Variants in EIF3H observed in about 807,000 individuals in gnomAD.
EIF3H encodes the protein eIF-3-gamma.
In EIF3H, 26 loss-of-function variants were observed where a neutral mutation model predicts 44.2. The observed-to-expected ratio is 0.59, with a 90% CI of 0.43 to 0.82. The LOEUF (loss-of-function observed/expected upper bound fraction) is 0.82, where lower values mean the gene tolerates loss of function less well. Among genes scored for constraint, EIF3H ranks in the 40% least tolerant of loss-of-function variants. The pLI, the probability that EIF3H is intolerant of heterozygous loss-of-function variation, is 0.00. For synonymous variants in EIF3H, 166 were observed against 151.9 expected (o/e 1.09, Z -0.68); for missense variants, 359 against 432.8 (o/e 0.83, Z 1.51).
intron 2 of EIF3H, among the ~76,000 whole-genome samples, chr8:116,673,944 C>A (rs1164034116): frequency 6.6e-6 from 1 of 151,608 alleles, no homozygotes; most frequent in Non-Finnish European, 1.5e-5. Flanking sequence ...GTGGTGGGCG[C>A]CTGTAGTCCC....
intron 2 of EIF3H, among the ~76,000 whole-genome samples, chr8:116,686,302 A>G (rs1347458572): frequency 6.6e-6 from 1 of 152,160 alleles, no homozygotes; most frequent in Non-Finnish European, 1.5e-5. Flanking sequence ...TTGATTTTAC[A>G]TCAAGTTCAA....
At chr8:116,737,360 T>C (rs1483482884) in intron 1 of EIF3H, 1 of 426,540 alleles carries the variant, frequency 2.3e-6, no homozygotes, top group East Asian at 7.0e-5. Flanking sequence ...AAATAAAGTT[T>C]TAAAAATTAA....
intron 2 of EIF3H, among the ~76,000 whole-genome samples, chr8:116,685,693 A>G (rs935152908): frequency 6.6e-6 from 1 of 152,152 alleles, no homozygotes; most frequent in Non-Finnish European, 1.5e-5. Flanking sequence ...GGCATTATTA[A>G]CTCAAAAGGC....
intron 2 of EIF3H, among the ~76,000 whole-genome samples, chr8:116,702,532 C>T (rs1054548752): frequency 2.0e-5 from 3 of 152,218 alleles, no homozygotes; most frequent in Admixed American, 6.5e-5. Context: ...CCAAGCTTCA[C>T]ATACTCCCTG....
At chr8:116,716,668 G>T (rs928283614) in intron 2 of EIF3H, among the ~76,000 whole-genome samples, 5 of 151,966 alleles carry the variant, frequency 3.3e-5, no homozygotes, top group African/African-American at 1.2e-4. Context: ...AATATTTCAG[G>T]CTTAGGACCC....
intron 2 of EIF3H, among the ~76,000 whole-genome samples, chr8:116,693,666 C>T (rs1035694597): frequency 2.0e-5 from 3 of 151,954 alleles, no homozygotes; most frequent in African/African-American, 7.3e-5. Flanking sequence ...GGTAACCACT[C>T]TTTCCAGTTT....
chr8:116,679,368 C>T (rs1813923996), intron 2 of EIF3H, among the ~76,000 whole-genome samples: 1 of 74,196 alleles, frequency 1.3e-5, no homozygotes, highest in African/African-American at 3.3e-5. Context: ...CCCGCCCGGT[C>T]AGCCCCCCGC....
intron 1 of EIF3H, among the ~76,000 whole-genome samples, chr8:116,738,057 T>C (rs1309062804): frequency 7.1e-6 from 1 of 141,118 alleles, no homozygotes; most frequent in African/African-American, 2.6e-5. Context: ...AAAAAAAGAA[T>C]GGTATGGACG....
chr8:116,676,512 A>G (rs1012795420), intron 2 of EIF3H, among the ~76,000 whole-genome samples: 4 of 152,226 alleles, frequency 2.6e-5, no homozygotes, highest in African/African-American at 9.6e-5. Flanking sequence ...AACTCTCATG[A>G]GAACAGCATG....
chr8:116,653,348 A>AACACACACACACACACACACACAC (rs771922316), intron 5 of EIF3H, among the ~76,000 whole-genome samples: 4,314 of 144,546 alleles, frequency 0.03, 156 homozygotes, highest in African/African-American at 0.068. Context: ...AACAATCAGA[A>AACACACACACACACACACACACAC]ACACACACAC....
chr8:116,766,226 G>C (rs1312215094), exon 1 of EIF3H: 1 of 201,330 alleles, frequency 5.0e-6, no homozygotes, highest in Middle Eastern at 2.0e-3. Flanking sequence ...TATACTGCCA[G>C]TCTTTCAGAG....
chr8:116,693,856 G>A (rs1043914896), intron 2 of EIF3H, among the ~76,000 whole-genome samples: 21 of 150,484 alleles, frequency 1.4e-4, no homozygotes, highest in African/African-American at 3.7e-4. Context: ...GTGTAGAGTC[G>A]GGGTCACTCT....
chr8:116,660,385 G>T (rs1473011823), intron 2 of EIF3H, among the ~76,000 whole-genome samples: 1 of 152,180 alleles, frequency 6.6e-6, no homozygotes, highest in East Asian at 1.9e-4. Context: ...ATAAAAGAGT[G>T]TTCCTCAGAT....
Position 116,720,736 on chromosome 8 carries a change from G to A in EIF3H, c.289+5280C>T, listed in dbSNP as rs2130916767. Among the ~76,000 whole-genome samples, 4 of 152,226 alleles carry A rather than the reference G, an allele frequency of 2.6e-5. No individual in the cohort carries two copies. In the Middle Eastern group the frequency reaches 0.014, roughly 518 times the overall value. On this transcript the variant is annotated intron_variant, in intron 2 of 7. Transcript: ENST00000521861. Reference sequence around the variant, plus strand: ...AAATCCAGGCTGAGGTGATCTCAGAGGAACTTGTTGGGAACTGTAATAAAA... The same window carrying A: ...AAATCCAGGCTGAGGTGATCTCAGAAGAACTTGTTGGGAACTGTAATAAAA...
upstream of EIF3H, among the ~76,000 whole-genome samples, chr8:116,757,331 T>C (rs938948171): frequency 2.6e-5 from 4 of 152,116 alleles, no homozygotes; most frequent in African/African-American, 9.7e-5. Flanking sequence ...TAGAAATCAA[T>C]ATGATCACCT....
intron 2 of EIF3H, among the ~76,000 whole-genome samples, chr8:116,663,751 T>C (rs771639724): frequency 1.3e-5 from 2 of 151,820 alleles, no homozygotes; most frequent in Non-Finnish European, 2.9e-5. Context: ...GCCGACATGG[T>C]GAAACCTCGT....
At chr8:116,680,687 T>C (rs1813968565) in intron 2 of EIF3H, among the ~76,000 whole-genome samples, 1 of 134,060 alleles carries the variant, frequency 7.5e-6, no homozygotes, top group Admixed American at 7.6e-5. Flanking sequence ...ACACAAACAC[T>C]GCGGAAGGCC....
At chr8:116,645,574 G>C (rs901570962) in intron 7 of EIF3H, among the ~76,000 whole-genome samples, 1 of 152,198 alleles carries the variant, frequency 6.6e-6, no homozygotes, top group African/African-American at 2.4e-5. Context: ...GACAGAGTAA[G>C]AGTAAAGAGT....
Position 116,698,418 on chromosome 8 carries a change from A to G in EIF3H, c.289+27598T>C, listed in dbSNP as rs149916214. Among the ~76,000 whole-genome samples the G allele has an allele frequency of 1.7e-3, 252 of 152,254 alleles. 1 individual carries two copies. The highest frequency in any genetic ancestry group is 5.6e-3 in the African/African-American group (234 of 41,558). On this transcript the variant is annotated intron_variant, in intron 2 of 7. Transcript: ENST00000521861. ...GACACCACATTCTCCTATCTACCCC[A>G]TCTTCATTCCCGCCACCACTAACTA... is the stretch of plus-strand genomic sequence containing the variant.
Sources: allele counts gnomAD v4.1 joint callset (sites outside exome capture counted in the v4.1 genomes callset), GRCh38; gene constraint gnomAD v4.1.1; transcripts MANE v1.5; gene names NCBI Gene and HGNC (gene_info 2026-07-23, HGNC 2026-07-21).